The following FAM186A variants were observed in gnomAD, a reference collection of about 807,000 sequenced individuals.
FAM186A encodes family with sequence similarity 186 member A.
In FAM186A, 163 loss-of-function variants were observed where a neutral mutation model predicts 216.8. That is an observed-to-expected ratio of 0.75 (90% CI 0.66 to 0.86). FAM186A has a LOEUF of 0.86. Among genes scored for constraint, FAM186A ranks in the 40% least tolerant of loss-of-function variants. The pLI, the probability that FAM186A is intolerant of heterozygous loss-of-function variation, is 0.00. For synonymous variants in FAM186A, 805 were observed against 1,025.3 expected (o/e 0.79, Z 4.10); for missense variants, 2,184 against 2,746.2 (o/e 0.80, Z 4.58).
At chr12:50,333,432 T>C (rs555608563) in intron 5 of FAM186A, among the ~76,000 whole-genome samples, 1 of 152,186 alleles carries the variant, frequency 6.6e-6, no homozygotes, top group Admixed American at 6.5e-5. Context: ...CTCGGGAGGC[T>C]GAATCAGGAG....
In FAM186A at chr12:50,393,676, A is replaced by G. The variant is rs187332957; in HGVS notation, c.192+2617T>C. Among the ~76,000 whole-genome samples, 23 of 152,044 alleles carry G rather than the reference A, an allele frequency of 1.5e-4. No homozygotes were observed. In the East Asian group the frequency reaches 4.3e-3, roughly 28 times the overall value. ...AGCCTGGGCAACATGGTGAAACCCC[A>G]TTTATACAAAAAATACAAAAATTAG... On this transcript the variant is annotated intron_variant, in intron 1 of 7. Transcript: ENST00000327337.
chr12:50,342,166 C>T (rs1026611966), intron 4 of FAM186A, among the ~76,000 whole-genome samples: 1 of 151,170 alleles, frequency 6.6e-6, no homozygotes, highest in South Asian at 2.1e-4. Context: ...ATGGCGGCGG[C>T]GTGCCTGTAA....
intron 3 of FAM186A, among the ~76,000 whole-genome samples, chr12:50,356,962 G>A (rs367563710): frequency 6.6e-6 from 1 of 152,096 alleles, no homozygotes; most frequent in Non-Finnish European, 1.5e-5. Flanking sequence ...TTGCGCCACT[G>A]CACTCAAGCC....
At chr12:50,358,648 G>A (rs543033778) in intron 3 of FAM186A, among the ~76,000 whole-genome samples, 8 of 152,144 alleles carry the variant, frequency 5.3e-5, no homozygotes, top group Non-Finnish European at 8.8e-5. Flanking sequence ...AACTCGGCCA[G>A]GCGCAGTGGC....
Position 50,354,002 on chromosome 12 carries a change from C to T in FAM186A, c.2830G>A (p.Gly944Arg). Residue 944 changes from glycine (G) to arginine (R), a missense_variant, in exon 4 of 8, where the codon GGA (glycine) becomes AGA (arginine). Transcript: ENST00000327337. The stretch of plus-strand genomic sequence containing the variant: ...TCCTTCTGAATCTGCCTCATCTGTC[C>T]ATTCTCCTTTTCCAAGAGCAACCCT... Reference protein sequence around the residue: ...TQGLLLEKENGQMRQIQKEAK... With the variant: ...TQGLLLEKENRQMRQIQKEAK... 1.3e-6 allele frequency: 2 copies of T among 1,551,876 alleles called. No individual in the cohort carries two copies. The highest frequency in any genetic ancestry group is 1.7e-6 in the Non-Finnish European group (2 of 1,147,090).
At chr12:50,341,797 T>C (rs1027097397) in intron 4 of FAM186A, among the ~76,000 whole-genome samples, 4 of 152,088 alleles carry the variant, frequency 2.6e-5, no homozygotes, top group African/African-American at 9.7e-5. Flanking sequence ...ATCGTGCCCC[T>C]GCACTCCAGC....
intron 4 of FAM186A, among the ~76,000 whole-genome samples, chr12:50,344,773 C>T (rs920683817): frequency 6.6e-6 from 1 of 151,918 alleles, no homozygotes; most frequent in Non-Finnish European, 1.5e-5. Flanking sequence ...TCAAGACTAG[C>T]CTGGGAAACA....
intron 1 of FAM186A, among the ~76,000 whole-genome samples, chr12:50,384,297 G>T (rs1460276112): frequency 6.6e-6 from 1 of 151,910 alleles, no homozygotes; most frequent in Non-Finnish European, 1.5e-5. Context: ...AATCAACTGG[G>T]TGTGGTAGTC....
rs760454770 is a variant in FAM186A, at chr12:50,355,870, T to G, written c.962A>C (p.Gln321Pro). The part of the protein sequence containing the change: ...NENEMLQQKL[Q>P]DAEEKCEQLI... ...TTGTTCACATTTTTCTTCTGCATCT[T>G]GAAGTTTCTGCTGAAGCATTTCATT... The change falls in exon 4 of 8, where the codon CAA (glutamine) becomes CCA (proline). Residue 321 changes from glutamine (Q) to proline (P), a missense_variant. By Grantham distance (76) the Gln-to-Pro change is moderately conservative (BLOSUM62 -1). Transcript: ENST00000327337. 8 of 1,551,284 alleles carry G rather than the reference T, an allele frequency of 5.2e-6. No homozygotes were observed. In the South Asian group the frequency reaches 9.5e-5, roughly 18 times the overall value.
intron 1 of FAM186A, among the ~76,000 whole-genome samples, chr12:50,395,461 G>GTATT (rs1471809977): frequency 4.9e-4 from 75 of 152,040 alleles, no homozygotes; most frequent in Admixed American, 1.8e-3. Flanking sequence ...AGATTCTTAT[G>GTATT]TATTTATTTA....
In FAM186A at chr12:50,356,254, GAAC is replaced by G; in HGVS notation, c.584-9_584-7del. On this transcript the variant is annotated splice_polypyrimidine_tract_variant and splice_region_variant and intron_variant, in intron 3 of 7. Coordinates refer to ENST00000327337, the MANE Select transcript of FAM186A (RefSeq NM_001145475.3). ...CCATAGAGTACCTCTAGATACTGAA[GAAC>G]AAAACATAAAACAGTGAGATGGCAT... 6.6e-7 allele frequency: 1 copy of G among 1,516,870 alleles called. No individual in the cohort carries two copies. The highest frequency in any genetic ancestry group is 1.4e-5 in the African/African-American group (1 of 71,400). 94.0% of individuals were successfully genotyped at this position (1,516,870 alleles called of 1,614,324 possible). A position where few individuals can be genotyped will look rare whatever the true frequency, so the allele number is the denominator to read the frequency against.
intron 1 of FAM186A, among the ~76,000 whole-genome samples, chr12:50,393,716 G>T (rs529422553): frequency 6.6e-6 from 1 of 152,010 alleles, no homozygotes; most frequent in East Asian, 1.9e-4. Flanking sequence ...ACGTGCTGGT[G>T]TGTGTGCCTG....
intron 3 of FAM186A, among the ~76,000 whole-genome samples, chr12:50,357,656 A>G (rs1942991909): frequency 6.6e-6 from 1 of 152,222 alleles, no homozygotes; most frequent in African/African-American, 2.4e-5. Context: ...AAAGGCATAC[A>G]ACACATTGAG....
chr12:50,346,220 G>GAGAGAAGGAAAGAAAGAAAAAGAAAGAAA (rs1555215373), intron 4 of FAM186A, among the ~76,000 whole-genome samples: 1 of 46,742 alleles, frequency 2.1e-5, no homozygotes, highest in African/African-American at 9.3e-5. Flanking sequence ...AGAGAGAGAA[G>GAGAGAAGGAAAGAAAGAAAAAGAAAGAAA]GAAAGAAAGA....
Position 50,360,462 on chromosome 12 carries a change from A to T in FAM186A, c.583+294T>A, listed in dbSNP as rs1592616818. Among the ~76,000 whole-genome samples, 10 of 150,038 alleles carry T rather than the reference A, an allele frequency of 6.7e-5. 1 individual carries two copies. Among genetic ancestry groups the T allele is most frequent in the Admixed American group, 6.7e-4 (10 of 15,026 alleles). The stretch of plus-strand genomic sequence containing the variant: ...CACTTTGGAAGGCCGAGGCAGGTGG[A>T]TAACTTGAGGTCAGGAATTTGAGAC... On this transcript the variant is annotated intron_variant, in intron 3 of 7. Coordinates refer to ENST00000327337, the MANE Select transcript of FAM186A (RefSeq NM_001145475.3).
Position 50,351,647 on chromosome 12 carries a change from T to G in FAM186A, c.5185A>C (p.Ile1729Leu). The change falls in exon 4 of 8, where the codon ATA (isoleucine) becomes CTA (leucine). Residue 1729 changes from isoleucine (I) to leucine (L), a missense_variant. Physicochemically the swap from Ile to Leu is conservative, Grantham distance 5. Transcript: ENST00000327337. ...KASLPTGQSI[I>L]SRLSPSLRLS... ...CTAAGACTTGGAGACAATCTTGATATGATGGATTGCCCAGTGGGGAGAGAA... is the reference window on the plus strand; with the variant it reads ...CTAAGACTTGGAGACAATCTTGATAGGATGGATTGCCCAGTGGGGAGAGAA... The G allele has an allele frequency of 6.4e-7, 1 of 1,551,594 alleles. No individual in the cohort carries two copies. The highest frequency in any genetic ancestry group is 8.7e-7 in the Non-Finnish European group (1 of 1,146,910).
Position 50,369,846 on chromosome 12 carries a change from C to T in FAM186A, c.193-6482G>A, listed in dbSNP as rs368215461. Among the ~76,000 whole-genome samples, 464 of 151,766 alleles carry T rather than the reference C, an allele frequency of 3.1e-3. 2 individuals carry two copies. The highest frequency in any genetic ancestry group is 0.01 in the African/African-American group (416 of 41,404). On this transcript the variant is annotated intron_variant, in intron 1 of 7. Transcript: ENST00000327337. ...CCTACTAAAAATGCAAAATTTAGGC[C>T]GGGCGCGGTGGCTCACGCCTGTAAT...
Position 50,354,845 on chromosome 12 carries a change from T to G in FAM186A, c.1987A>C (p.Lys663Gln). ...TCTTCGAGGTTACTCTGTTCACTTT[T>G]GCCATCTGGACTTTCTAGAACTCTG... is the stretch of plus-strand genomic sequence containing the variant. ...STRVLESPDG[K>Q]SEQSNLEEFQ... Residue 663 changes from lysine to glutamine, a missense_variant, in exon 4 of 8, where the codon AAA (lysine) becomes CAA (glutamine). Transcript: ENST00000327337. The G allele has an allele frequency of 6.5e-7, 1 of 1,545,608 alleles. No homozygotes were observed. Among genetic ancestry groups the G allele is most frequent in the Non-Finnish European group, 8.7e-7 (1 of 1,145,760 alleles).
chr12:50,365,038 CAA>C (rs61497355), intron 1 of FAM186A, among the ~76,000 whole-genome samples: 2 of 110,822 alleles, frequency 1.8e-5, no homozygotes, highest in African/African-American at 3.5e-5. Flanking sequence ...AACTCCGTCT[CAA>C]AAAAAAAAAA....
Sources: gnomAD v4.1 joint callset for allele counts (sites outside exome capture counted in the v4.1 genomes callset) on GRCh38, gnomAD v4.1.1 for gene constraint, MANE v1.5 for transcripts, NCBI Gene and HGNC (gene_info 2026-07-23, HGNC 2026-07-21) for gene names.